GRM7: variants seen among roughly 807,000 people sequenced by gnomAD.
The protein encoded by GRM7 is glutamate metabotropic receptor 7.
GRM7 carries 35 observed loss-of-function variants against 84.5 expected under a neutral mutation model. The ratio of observed to expected loss-of-function variants is 0.41; its 90% CI spans 0.32 to 0.55. The LOEUF (loss-of-function observed/expected upper bound fraction) is 0.55. Among genes scored for constraint, GRM7 ranks in the 20% least tolerant of loss-of-function variants. GRM7 has a pLI of 0.19. For missense variants in GRM7, 1,003 were observed against 1,194.6 expected (o/e 0.84, Z 2.36); for synonymous variants, 487 against 455.1 (o/e 1.07, Z -0.89).
At chr3:7,545,088 T>C (rs934311848) in intron 7 of GRM7, among the ~76,000 whole-genome samples, 11 of 152,230 alleles carry the variant, frequency 7.2e-5, no homozygotes, top group African/African-American at 2.2e-4. Flanking sequence ...AATTGATGGA[T>C]TGAGGATTAA....
At chr3:7,026,350 C>T (rs1298026198) in intron 1 of GRM7, among the ~76,000 whole-genome samples, 3 of 152,168 alleles carry the variant, frequency 2.0e-5, no homozygotes, top group Non-Finnish European at 2.9e-5. Context: ...ATATGAATAG[C>T]TTTCTTCATC....
intron 1 of GRM7, among the ~76,000 whole-genome samples, chr3:6,867,922 A>C (rs190454036): frequency 2.2e-4 from 33 of 152,320 alleles, no homozygotes; most frequent in African/African-American, 7.5e-4. Flanking sequence ...TTACAACTAA[A>C]TGTTTTTTGA....
chr3:7,207,651 G>T (rs1214935241), intron 2 of GRM7, among the ~76,000 whole-genome samples: 3 of 152,160 alleles, frequency 2.0e-5, no homozygotes, highest in African/African-American at 7.2e-5. Flanking sequence ...CATAAACCGA[G>T]ATTTCAATAT....
intron 7 of GRM7, among the ~76,000 whole-genome samples, chr3:7,569,579 C>T (rs1256094415): frequency 6.6e-6 from 1 of 152,128 alleles, no homozygotes; most frequent in Non-Finnish European, 1.5e-5. Flanking sequence ...GGTCCCCTTC[C>T]ACGCCGTGGA....
chr3:7,641,475 G>A (rs3912449), intron 8 of GRM7, among the ~76,000 whole-genome samples: 125,692 of 152,112 alleles, frequency 0.83, 52,002 homozygotes, highest in South Asian at 0.87. Context: ...CTATAGAGAA[G>A]GACTTTCTAG....
At chr3:7,404,204 C>G (rs950949254) in intron 4 of GRM7, among the ~76,000 whole-genome samples, 2 of 152,172 alleles carry the variant, frequency 1.3e-5, no homozygotes, top group Admixed American at 6.6e-5. Context: ...GAAAGAGGGG[C>G]TCTATACAAA....
intron 7 of GRM7, among the ~76,000 whole-genome samples, chr3:7,539,325 C>T (rs957104350): frequency 1.3e-5 from 2 of 152,134 alleles, no homozygotes; most frequent in African/African-American, 2.4e-5. Context: ...GTGCTTTTCA[C>T]CTGACGATCA....
At chr3:6,987,353 A>G (rs1012910734) in intron 1 of GRM7, among the ~76,000 whole-genome samples, 8 of 152,054 alleles carry the variant, frequency 5.3e-5, no homozygotes, top group Non-Finnish European at 8.8e-5. Context: ...AAGACAACAA[A>G]CAAGTAGTAA....
intron 1 of GRM7, among the ~76,000 whole-genome samples, chr3:7,130,945 AC>A (rs1693575787): frequency 6.6e-6 from 1 of 152,188 alleles, no homozygotes; most frequent in African/African-American, 2.4e-5. Flanking sequence ...TCACTCACAC[AC>A]ACACACACAC....
rs538577154 is a variant in GRM7, at chr3:7,293,371, G to A, written c.737-5313G>A. Reference sequence around the variant, plus strand: ...AATCAAGAAGCAGATTGATTTCTGGGACTCTGAAATTCTTTTCGTTACTTC... The same window carrying A: ...AATCAAGAAGCAGATTGATTTCTGGAACTCTGAAATTCTTTTCGTTACTTC... On this transcript the variant is annotated intron_variant, in intron 2 of 9. Coordinates refer to ENST00000357716, the MANE Select transcript of GRM7 (RefSeq NM_000844.4). Among the ~76,000 whole-genome samples the A allele has an allele frequency of 1.4e-3, 215 of 152,216 alleles. 1 individual carries two copies. The highest frequency in any genetic ancestry group is 1.4e-3 in the Non-Finnish European group (98 of 68,028).
chr3:7,650,178 C>T (rs992873277), intron 8 of GRM7, among the ~76,000 whole-genome samples: 3 of 151,424 alleles, frequency 2.0e-5, no homozygotes, highest in African/African-American at 7.2e-5. Context: ...TATTAAGTAA[C>T]ATTAGTGTTT....
At position 6,925,840 on chromosome 3, in the gene GRM7, CAGATATTTGT is replaced by C. The variant is rs1185101306; in HGVS notation, c.519+63936_519+63945del. The stretch of plus-strand genomic sequence containing the variant: ...GTCTCACATACATACATTGGCACTT[CAGATATTTGT>C]AGCCCATCATCACATCCCTAAAGTC... On this transcript the variant is annotated intron_variant, in intron 1 of 9. Transcript: ENST00000357716. 2.6e-5 allele frequency among the ~76,000 whole-genome samples: 4 copies of C among 152,302 alleles called. No homozygotes were observed. In the East Asian group the frequency reaches 7.7e-4, roughly 29 times the overall value.
chr3:6,884,835 T>C (rs1242262393), intron 1 of GRM7, among the ~76,000 whole-genome samples: 6 of 152,082 alleles, frequency 3.9e-5, no homozygotes. Flanking sequence ...CCTGACCTCG[T>C]GATCCACCCA....
At chr3:7,692,188 A>G (rs1162416718) in intron 9 of GRM7, among the ~76,000 whole-genome samples, 1 of 152,114 alleles carries the variant, frequency 6.6e-6, no homozygotes, top group African/African-American at 2.4e-5. Context: ...GCTATCAGTC[A>G]CTCAGCAAAG....
intron 2 of GRM7, among the ~76,000 whole-genome samples, chr3:7,214,291 T>C (rs1278587459): frequency 6.6e-6 from 1 of 152,208 alleles, no homozygotes; most frequent in Non-Finnish European, 1.5e-5. Flanking sequence ...AGCCTGTTAA[T>C]TGGATTAACA....
chr3:7,427,881 G>C lies in GRM7; in HGVS notation c.1174+12718G>C, dbSNP rs1483140211. Among the ~76,000 whole-genome samples the C allele has an allele frequency of 2.0e-5, 3 of 152,194 alleles. No homozygotes were observed. In the South Asian group the frequency reaches 6.2e-4, roughly 31 times the overall value. On this transcript the variant is annotated intron_variant, in intron 5 of 9. Transcript: ENST00000357716. ...TAATGACATGACAGGCTCATGGTCAGTCGCTGATTAGAAAATGGCAGAGCC... is the reference window on the plus strand; with the variant it reads ...TAATGACATGACAGGCTCATGGTCACTCGCTGATTAGAAAATGGCAGAGCC...
chr3:7,403,312 CT>C (rs1695530018), intron 4 of GRM7: 1 of 180,012 alleles, frequency 5.6e-6, no homozygotes, highest in Non-Finnish European at 1.2e-5. Flanking sequence ...CCTAAAAAAA[CT>C]TGCTTAGACA....
intron 8 of GRM7, among the ~76,000 whole-genome samples, chr3:7,658,600 C>T (rs76359070): frequency 0.019 from 2,840 of 152,128 alleles, 57 homozygotes; most frequent in East Asian, 0.058. Context: ...AGCAAGTTAA[C>T]GATACCCTCT....
intron 1 of GRM7, among the ~76,000 whole-genome samples, chr3:6,976,100 C>T (rs1055777271): frequency 5.5e-4 from 83 of 152,050 alleles, no homozygotes; most frequent in African/African-American, 1.9e-3. Context: ...GTTTATTTAC[C>T]CTCCCCACAC....
Sources: gnomAD v4.1 joint callset for allele counts (sites outside exome capture counted in the v4.1 genomes callset) on GRCh38, gnomAD v4.1.1 for gene constraint, MANE v1.5 for transcripts, NCBI Gene and HGNC (gene_info 2026-07-23, HGNC 2026-07-21) for gene names.